Variants in SPATA6 observed in about 807,000 individuals in gnomAD.
SPATA6 encodes spermatogenesis-associated protein 6.
SPATA6 carries 56 observed loss-of-function variants against 65.3 expected under a neutral mutation model. The observed-to-expected ratio is 0.86, with a 90% CI of 0.69 to 1.07. SPATA6 has a LOEUF of 1.07. Among genes scored for constraint, SPATA6 ranks in the 50% least tolerant of loss-of-function variants. The pLI is 0.00. For missense variants in SPATA6, 590 were observed against 594.8 expected (o/e 0.99, Z 0.08); for synonymous variants, 199 against 213.2 (o/e 0.93, Z 0.58).
intron 1 of SPATA6, 106 bp from the exon 2 acceptor site, chr1:48,453,237 T>G: frequency 8.4e-7 from 1 of 1,192,034 alleles, no homozygotes; most frequent in Non-Finnish European, 1.1e-6. Flanking sequence ...TCTGGTAATC[T>G]AATAAAAAAT....
chr1:48,385,144 C>T (rs1041442326), intron 9 of SPATA6, among the ~76,000 whole-genome samples, 165 bp downstream of exon 9: 1 of 152,082 alleles, frequency 6.6e-6, no homozygotes, highest in African/African-American at 2.4e-5. Context: ...ATTAAATGTA[C>T]TGCCTGACAA....
At chr1:48,438,737 T>C (rs750952301) in intron 3 of SPATA6, among the ~76,000 whole-genome samples, 3 of 152,172 alleles carry the variant, frequency 2.0e-5, no homozygotes, top group Non-Finnish European at 4.4e-5. Flanking sequence ...CTAGTCCCGC[T>C]TCTAAAAACC....
intron 9 of SPATA6, among the ~76,000 whole-genome samples, chr1:48,370,311 G>A (rs1404201065): frequency 1.3e-5 from 2 of 152,148 alleles, no homozygotes; most frequent in African/African-American, 4.8e-5. Flanking sequence ...TGAGAATAAG[G>A]ACCATAGGAC....
At chr1:48,380,324 T>C (rs766331984) in intron 9 of SPATA6, among the ~76,000 whole-genome samples, 2 of 152,248 alleles carry the variant, frequency 1.3e-5, no homozygotes, top group Admixed American at 6.5e-5. Context: ...TATATTTATA[T>C]GACAATCTAC....
At chr1:48,332,023 C>A (rs906647171) in intron 11 of SPATA6, among the ~76,000 whole-genome samples, 1 of 152,124 alleles carries the variant, frequency 6.6e-6, no homozygotes, top group Admixed American at 6.5e-5. Context: ...TGATCCTATT[C>A]AAATGCTGAG....
chr1:48,393,988 T>C (rs1251623181), intron 8 of SPATA6, among the ~76,000 whole-genome samples: 2 of 152,076 alleles, frequency 1.3e-5, no homozygotes, highest in Admixed American at 1.3e-4. Context: ...TTTTAGGGCA[T>C]ACAAATTCAG....
intron 11 of SPATA6, among the ~76,000 whole-genome samples, chr1:48,311,531 T>C (rs1400597450): frequency 6.6e-6 from 1 of 152,016 alleles, no homozygotes; most frequent in African/African-American, 2.4e-5. Context: ...TGAATACACC[T>C]ATAATAAAGA....
chr1:48,324,206 C>T (rs1444975640), intron 11 of SPATA6, among the ~76,000 whole-genome samples: 1 of 152,162 alleles, frequency 6.6e-6, no homozygotes. Flanking sequence ...GATTCTCCCG[C>T]CTTGGCCTCC....
At chr1:48,279,459 T>A in the SPATA6 span, among the ~76,000 whole-genome samples, 1 of 152,064 alleles carries the variant, frequency 6.6e-6, no homozygotes, top group Non-Finnish European at 1.5e-5. Flanking sequence ...GAGAAACACA[T>A]AGGCTCAAAA....
At chr1:48,365,690 T>G (rs181855040) in intron 9 of SPATA6, among the ~76,000 whole-genome samples, 1 of 152,336 alleles carries the variant, frequency 6.6e-6, no homozygotes, top group Non-Finnish European at 1.5e-5. Context: ...AAGGAGATTT[T>G]GGGCTGAGAT....
chr1:48,333,474 G>A (rs576819847), intron 11 of SPATA6, among the ~76,000 whole-genome samples: 4 of 152,258 alleles, frequency 2.6e-5, no homozygotes, highest in African/African-American at 9.6e-5. Flanking sequence ...GAGACACCTT[G>A]TAATCATGTG....
At chr1:48,380,292 T>G (rs1194128445) in intron 9 of SPATA6, among the ~76,000 whole-genome samples, 1 of 152,238 alleles carries the variant, frequency 6.6e-6, no homozygotes, top group Non-Finnish European at 1.5e-5. Context: ...TCCTTTTTTA[T>G]TTTCATGTTC....
chr1:48,262,790 A>G, the SPATA6 span: 1 of 152,180 alleles, frequency 6.6e-6, no homozygotes, highest in Non-Finnish European at 1.5e-5. Context: ...TGACTCTTCC[A>G]TTAATAGTTT....
intron 10 of SPATA6, 50 bp from the exon 11 acceptor site, chr1:48,355,819 T>A: frequency 7.0e-7 from 1 of 1,431,160 alleles, no homozygotes; most frequent in Non-Finnish European, 9.8e-7. Flanking sequence ...CAGGTAATGA[T>A]TCTAAGCTAT....
At position 48,363,261 on chromosome 1, in the gene SPATA6, T is replaced by C. The variant is rs147016126; in HGVS notation, c.910-3491A>G. Reference sequence around the variant, plus strand: ...AGCCTTAGCTTAAAAAATGTTTCCATAGCTCTTGTGAGTTTCCGTTAGATC... The same window carrying C: ...AGCCTTAGCTTAAAAAATGTTTCCACAGCTCTTGTGAGTTTCCGTTAGATC... On this transcript the variant is annotated intron_variant, in intron 9 of 12. Transcript: ENST00000371847. Among the ~76,000 whole-genome samples the C allele has an allele frequency of 4.6e-5, 7 of 152,302 alleles. No individual in the cohort carries two copies. In the East Asian group the frequency reaches 7.7e-4, roughly 17 times the overall value.
intron 12 of SPATA6, among the ~76,000 whole-genome samples, chr1:48,300,603 CA>C (rs1644913777): frequency 6.6e-6 from 1 of 151,960 alleles, no homozygotes; most frequent in East Asian, 1.9e-4. Flanking sequence ...CAGACAAAAA[CA>C]ACAACAAAAA....
Position 48,435,850 on chromosome 1 carries a change from G to A in SPATA6, c.238+15702C>T, listed in dbSNP as rs373094188. On this transcript the variant is annotated intron_variant, in intron 3 of 12. Coordinates refer to ENST00000371847, the MANE Select transcript of SPATA6 (RefSeq NM_019073.4). ...CACCGCTGGCAGCCTGAAGAGAGTC[G>A]CTGGCCATGGTCGCTGCTAGGTAGG... The A allele has an allele frequency of 1.3e-4, 147 of 1,106,270 alleles. No homozygotes were observed. In the African/African-American group the frequency reaches 1.7e-3, roughly 13 times the overall value. 68.5% of individuals were successfully genotyped at this position (1,106,270 alleles called of 1,614,324 possible).
chr1:48,390,479 T>G (rs1649941850), intron 8 of SPATA6, among the ~76,000 whole-genome samples: 1 of 152,168 alleles, frequency 6.6e-6, no homozygotes, highest in Non-Finnish European at 1.5e-5. Flanking sequence ...AGAAAACAGG[T>G]ATACTCTGTT....
intron 3 of SPATA6, among the ~76,000 whole-genome samples, chr1:48,449,281 G>A (rs80239592): frequency 0.057 from 8,737 of 152,226 alleles, 372 homozygotes; most frequent in African/African-American, 0.11. Context: ...GCTGATGGGC[G>A]CCTTATAATG....
Sources: gnomAD v4.1 joint callset for allele counts (sites outside exome capture counted in the v4.1 genomes callset) on GRCh38, gnomAD v4.1.1 for gene constraint, MANE v1.5 for transcripts, NCBI Gene and HGNC (gene_info 2026-07-23, HGNC 2026-07-21) for gene names.